Variants in CCDC146 observed in about 807,000 individuals in gnomAD.
The protein encoded by CCDC146 is coiled-coil domain-containing protein 146.
A neutral mutation model predicts 119.3 loss-of-function variants in CCDC146; 92 were observed. That is an observed-to-expected ratio of 0.77 (90% CI 0.65 to 0.92). CCDC146 has a LOEUF of 0.92. Among genes scored for constraint, CCDC146 ranks in the 40% least tolerant of loss-of-function variants. The pLI is 0.00. For missense variants in CCDC146, 1,000 were observed against 1,103.0 expected, an observed-to-expected ratio of 0.91 and a Z score of 1.32; for synonymous variants, 372 against 371.8, an observed-to-expected ratio of 1.00 and a Z score of -0.01.
chr7:77,143,340 C>A (rs1024401610), intron 1 of CCDC146, among the ~76,000 whole-genome samples: 1 of 151,748 alleles, frequency 6.6e-6, no homozygotes, highest in Non-Finnish European at 1.5e-5. Flanking sequence ...GAGTAGATTA[C>A]AAAAATTTTC....
chr7:77,278,777 A>C lies in CCDC146; in HGVS notation c.1466A>C (p.Glu489Ala), dbSNP rs1195850580. The C allele has an allele frequency of 1.2e-6, 2 of 1,611,356 alleles. No individual in the cohort carries two copies. Among genetic ancestry groups the C allele is most frequent in the Non-Finnish European group, 8.5e-7 (1 of 1,178,914 alleles). The change falls in exon 12 of 19, where the codon GAA (glutamate) becomes GCA (alanine). Residue 489 changes from glutamate (E) to alanine (A), a missense_variant. Glu to Ala is a moderately radical substitution (Grantham distance 107). Around this residue, in one of 2 missense-constraint regions of CCDC146, gnomAD observed 985 missense variants for 1,045.3 expected, o/e 0.94. Transcript: ENST00000285871. ...AQQKYTNIVK[E>A]MKAKDLEIRI... is the part of the protein sequence containing the mutation. Reference sequence around the variant, plus strand: ...CAAAAATACACCAACATTGTTAAAGAAATGAAAGCAAAGGATCTTGAAATC... The same window carrying C: ...CAAAAATACACCAACATTGTTAAAGCAATGAAAGCAAAGGATCTTGAAATC...
At chr7:77,171,091 C>A (rs1329958956) in intron 2 of CCDC146, among the ~76,000 whole-genome samples, 1 of 152,146 alleles carries the variant, frequency 6.6e-6, no homozygotes, top group Non-Finnish European at 1.5e-5. Flanking sequence ...CCTTAATAAT[C>A]AAATCAAAAA....
intron 15 of CCDC146, among the ~76,000 whole-genome samples, chr7:77,284,473 G>A (rs965546784): frequency 6.6e-6 from 1 of 151,750 alleles, no homozygotes; most frequent in African/African-American, 2.4e-5. Flanking sequence ...TGAAGATTTA[G>A]GTCCATCTTT....
intron 2 of CCDC146, among the ~76,000 whole-genome samples, chr7:77,180,726 G>A (rs1202267760): frequency 6.6e-6 from 1 of 152,042 alleles, no homozygotes; most frequent in Non-Finnish European, 1.5e-5. Flanking sequence ...AAAAATTTTT[G>A]GATATATACC....
chr7:77,270,539 C>T (rs1171719639), intron 9 of CCDC146, among the ~76,000 whole-genome samples: 1 of 152,102 alleles, frequency 6.6e-6, no homozygotes, highest in Non-Finnish European at 1.5e-5. Flanking sequence ...TATTTTCCTC[C>T]CACATTAATG....
At chr7:77,132,665 A>C (rs1334168766) in intron 1 of CCDC146, among the ~76,000 whole-genome samples, 3 of 152,106 alleles carry the variant, frequency 2.0e-5, no homozygotes, top group Non-Finnish European at 2.9e-5. Context: ...TGAGTCCAGG[A>C]TGTCAAGGCT....
chr7:77,136,037 A>G (rs1188120866), intron 1 of CCDC146, among the ~76,000 whole-genome samples: 1 of 152,254 alleles, frequency 6.6e-6, no homozygotes, highest in African/African-American at 2.4e-5. Context: ...GCAAGAAGAC[A>G]TATTTAAAAC....
At chr7:77,227,328 C>T (rs1222334731) in intron 2 of CCDC146, among the ~76,000 whole-genome samples, 5 of 152,130 alleles carry the variant, frequency 3.3e-5, no homozygotes, top group African/African-American at 7.2e-5. Context: ...TTTTCTGAGA[C>T]GGAGTCTTGC....
intron 2 of CCDC146, among the ~76,000 whole-genome samples, chr7:77,211,378 C>G (rs1306407255): frequency 1.3e-5 from 2 of 152,038 alleles, no homozygotes; most frequent in Admixed American, 1.3e-4. Context: ...TTTGTAAGAA[C>G]CATTGATATT....
At chr7:77,124,134 G>A (rs71215122) in intron 1 of CCDC146, among the ~76,000 whole-genome samples, 10 of 152,126 alleles carry the variant, frequency 6.6e-5, no homozygotes, top group East Asian at 1.9e-4. Context: ...TAATTTTTCC[G>A]TTTCTGAGAC....
At chr7:77,182,623 C>T (rs1791606827) in intron 2 of CCDC146, among the ~76,000 whole-genome samples, 1 of 151,810 alleles carries the variant, frequency 6.6e-6, no homozygotes, top group African/African-American at 2.4e-5. Context: ...AACAAATAAA[C>T]AAACAAAAAA....
chr7:77,145,204 A>C (rs1487261373), intron 1 of CCDC146, among the ~76,000 whole-genome samples: 1 of 151,722 alleles, frequency 6.6e-6, no homozygotes, highest in African/African-American at 2.4e-5. Flanking sequence ...GTTTATTTGC[A>C]TAGGGTGTTT....
At chr7:77,246,465 G>A (rs946051047) in intron 4 of CCDC146, 1 of 152,150 alleles carries the variant, frequency 6.6e-6, no homozygotes, top group Non-Finnish European at 1.5e-5. Flanking sequence ...CTTTGATGTT[G>A]AAGCACCCCT....
chr7:77,266,778 T>C (rs986452006), intron 9 of CCDC146, among the ~76,000 whole-genome samples: 1 of 152,282 alleles, frequency 6.6e-6, no homozygotes, highest in African/African-American at 2.4e-5. Context: ...TCCTCCATCT[T>C]AGCCCAAAGC....
intron 2 of CCDC146, among the ~76,000 whole-genome samples, chr7:77,192,966 G>A (rs75986570): frequency 0.014 from 2,133 of 152,080 alleles, 25 homozygotes; most frequent in Non-Finnish European, 0.022. Flanking sequence ...AAAAGAAGGC[G>A]TTGTTGAAAG....
chr7:77,220,889 C>G (rs1004413492), intron 2 of CCDC146, among the ~76,000 whole-genome samples: 1 of 152,100 alleles, frequency 6.6e-6, no homozygotes, highest in East Asian at 1.9e-4. Flanking sequence ...TAAGGAAATA[C>G]CTGAGACTGG....
In CCDC146 at chr7:77,293,173, C is replaced by G. The variant is rs17151219; in HGVS notation, c.2637C>G (p.His879Gln). Residue 879 changes from histidine to glutamine, a missense_variant, in exon 18 of 19, where the codon CAC (histidine) becomes CAG (glutamine). Transcript: ENST00000285871. ...WLKVLRDEEM[H>Q]ALAIAEKSQE... ...AAGTCCTTCGAGATGAAGAAATGCA[C>G]GCCTTGGCCATCGCTGAAAAGTCTC... The G allele has an allele frequency of 2.5e-6, 4 of 1,613,782 alleles. No individual in the cohort carries two copies. The highest frequency in any genetic ancestry group is 3.4e-6 in the Non-Finnish European group (4 of 1,179,958).
intron 11 of CCDC146, among the ~76,000 whole-genome samples, chr7:77,277,542 G>A (rs1057015384): frequency 2.0e-5 from 3 of 152,176 alleles, no homozygotes; most frequent in South Asian, 2.1e-4. Context: ...TCCATAAGAA[G>A]GCAATCTTTT....
chr7:77,185,596 A>G (rs1791655242), intron 2 of CCDC146, among the ~76,000 whole-genome samples: 1 of 152,202 alleles, frequency 6.6e-6, no homozygotes, highest in Admixed American at 6.5e-5. Flanking sequence ...TCTCTTTCAA[A>G]TATCTGGAAA....
Sources: allele counts gnomAD v4.1 joint callset (sites outside exome capture counted in the v4.1 genomes callset), GRCh38; gene constraint gnomAD v4.1.1; regional missense constraint gnomAD v4.1.1; transcripts MANE v1.5; gene names NCBI Gene and HGNC (gene_info 2026-07-23, HGNC 2026-07-21).